Variants in R3HDM1 observed in about 807,000 individuals in gnomAD.
The protein encoded by R3HDM1 is R3H domain-containing protein 1.
R3HDM1 carries 46 observed loss-of-function variants against 141.1 expected under a neutral mutation model. That is an observed-to-expected ratio of 0.33 (90% CI 0.26 to 0.42). The LOEUF is 0.42. Among genes scored for constraint, R3HDM1 ranks in the 10% least tolerant of loss-of-function variants. The probability of loss-of-function intolerance (pLI) is 1.00; values close to 1 mark genes in which losing one functional copy is unlikely to be tolerated. For synonymous variants in R3HDM1, 435 were observed against 472.9 expected, an observed-to-expected ratio of 0.92 and a Z score of 1.04; for missense variants, 1,184 against 1,368.3, an observed-to-expected ratio of 0.87 and a Z score of 2.12.
Position 135,590,196 on chromosome 2 carries a change from G to T in R3HDM1, c.-249-12304G>T, listed in dbSNP as rs142617194. On this transcript the variant is annotated intron_variant, in intron 1 of 26. Coordinates refer to ENST00000683871, the MANE Select transcript of R3HDM1 (RefSeq NM_001378107.1). Reference sequence around the variant, plus strand: ...CTTTTCATTTTCAAATGCTTAGAAAGTTATGTAGTACCTCTACAATAGCAG... The same window carrying T: ...CTTTTCATTTTCAAATGCTTAGAAATTTATGTAGTACCTCTACAATAGCAG... 5.9e-5 allele frequency among the ~76,000 whole-genome samples: 9 copies of T among 152,230 alleles called. No homozygotes were observed. The East Asian group carries it at 1.2e-3, about 20-fold the overall frequency.
chr2:135,618,758 C>A (rs1456033808), intron 5 of R3HDM1, among the ~76,000 whole-genome samples: 2 of 152,032 alleles, frequency 1.3e-5, no homozygotes, highest in East Asian at 1.9e-4. Context: ...GTGGCTCGCG[C>A]CTGTAATCCC....
At chr2:135,582,690 A>G (rs1345530382) in intron 1 of R3HDM1, among the ~76,000 whole-genome samples, 1 of 152,162 alleles carries the variant, frequency 6.6e-6, no homozygotes, top group Non-Finnish European at 1.5e-5. Context: ...GTCTATTTTT[A>G]TATTTCAAAG....
chr2:135,537,430 T>G (rs1696435753), intron 1 of R3HDM1, among the ~76,000 whole-genome samples: 1 of 150,094 alleles, frequency 6.7e-6, no homozygotes, highest in South Asian at 2.1e-4. Context: ...GGGACTATAG[T>G]CACGAGCCAT....
intron 18 of R3HDM1, among the ~76,000 whole-genome samples, chr2:135,655,062 A>G (rs2065658329): frequency 6.6e-6 from 1 of 152,054 alleles, no homozygotes; most frequent in South Asian, 2.1e-4. Flanking sequence ...AATTTTGGTA[A>G]AGTTCACTTT....
chr2:135,701,042 A>G (rs916906145), intron 21 of R3HDM1, among the ~76,000 whole-genome samples: 8 of 152,264 alleles, frequency 5.3e-5, no homozygotes, highest in Middle Eastern at 3.4e-3. Flanking sequence ...TGATAGAACA[A>G]TGATAACAAT....
chr2:135,616,084 C>G, intron 3 of R3HDM1, 68 bp from the exon 4 acceptor site: 1 of 1,475,632 alleles, frequency 6.8e-7, no homozygotes, highest in Admixed American at 1.7e-5. Flanking sequence ...TGGTTTAGGA[C>G]TATGAATTAA....
chr2:135,551,875 AT>A (rs1411805726), intron 1 of R3HDM1, among the ~76,000 whole-genome samples: 1 of 152,226 alleles, frequency 6.6e-6, no homozygotes, highest in Non-Finnish European at 1.5e-5. Context: ...TTAACTCAGT[AT>A]TACCTTGAAG....
chr2:135,585,184 G>A (rs1026487645), intron 1 of R3HDM1, among the ~76,000 whole-genome samples: 1 of 152,170 alleles, frequency 6.6e-6, no homozygotes, highest in Non-Finnish European at 1.5e-5. Flanking sequence ...GATTTAGGAA[G>A]ATTTTGTGGA....
At chr2:135,678,098 G>A (rs2105348448) in intron 20 of R3HDM1, among the ~76,000 whole-genome samples, 1 of 152,190 alleles carries the variant, frequency 6.6e-6, no homozygotes, top group South Asian at 2.1e-4. Context: ...CCTAGTAGCT[G>A]GGATTACAGG....
chr2:135,643,526 G>A (rs574105249), intron 15 of R3HDM1, among the ~76,000 whole-genome samples: 55 of 151,692 alleles, frequency 3.6e-4, no homozygotes, highest in African/African-American at 1.3e-3. Flanking sequence ...TTTCTCACTC[G>A]TAATCATTGC....
intron 1 of R3HDM1, among the ~76,000 whole-genome samples, chr2:135,581,935 T>C (rs560159325): frequency 6.6e-6 from 1 of 152,360 alleles, no homozygotes; most frequent in East Asian, 1.9e-4. Context: ...TCAAATTATC[T>C]TGGTGAATTG....
chr2:135,667,964 C>A (rs533599787), intron 19 of R3HDM1, among the ~76,000 whole-genome samples: 1 of 152,308 alleles, frequency 6.6e-6, no homozygotes, highest in East Asian at 1.9e-4. Context: ...CAGAGGAATT[C>A]ATGAGCAACT....
chr2:135,588,217 A>C (rs1329923130), intron 1 of R3HDM1, among the ~76,000 whole-genome samples: 3 of 150,720 alleles, frequency 2.0e-5, no homozygotes, highest in East Asian at 1.9e-4. Context: ...GTCTCTGTCC[A>C]TCATTCCCTC....
At chr2:135,649,656 T>C (rs1215712740) in intron 16 of R3HDM1, among the ~76,000 whole-genome samples, 2 of 152,154 alleles carry the variant, frequency 1.3e-5, no homozygotes, top group Non-Finnish European at 2.9e-5. Flanking sequence ...TAAAGAAATA[T>C]TTTATTGCAA....
intron 4 of R3HDM1, 64 bp downstream of exon 4, chr2:135,616,257 G>T: frequency 1.4e-6 from 2 of 1,458,188 alleles, no homozygotes; most frequent in African/African-American, 1.4e-5. Context: ...ATGAATCCTT[G>T]TTTTCATATA....
At chr2:135,607,981 G>A (rs2060219682) in intron 3 of R3HDM1, 1 of 981,184 alleles carries the variant, frequency 1.0e-6, no homozygotes, top group African/African-American at 1.8e-5. Flanking sequence ...TGTTAATCTG[G>A]TGAATGCCAT....
Position 135,654,425 on chromosome 2 carries a change from C to T in R3HDM1, c.2028+2393C>T, listed in dbSNP as rs967322802. 1.2e-4 allele frequency among the ~76,000 whole-genome samples: 16 copies of T among 137,142 alleles called. No individual in the cohort carries two copies. In the Admixed American group the frequency reaches 1.3e-3, roughly 11 times the overall value. 90.0% of individuals were successfully genotyped at this position (137,142 alleles called of 152,430 possible). On this transcript the variant is annotated intron_variant, in intron 18 of 26. Coordinates refer to ENST00000683871, the MANE Select transcript of R3HDM1 (RefSeq NM_001378107.1). ...CATTAATTGAAATTTGGAATGTTTTCTTTTGTTGTTGTTGTTGTTGTTGTT... is the reference window on the plus strand; with the variant it reads ...CATTAATTGAAATTTGGAATGTTTTTTTTTGTTGTTGTTGTTGTTGTTGTT...
intron 1 of R3HDM1, among the ~76,000 whole-genome samples, chr2:135,570,002 A>G (rs570924527): frequency 8.1e-4 from 123 of 152,302 alleles, no homozygotes; most frequent in African/African-American, 2.7e-3. Flanking sequence ...CTGGGATTAC[A>G]GGCGTGAGCC....
chr2:135,686,306 A>T (rs1262222180), intron 21 of R3HDM1, among the ~76,000 whole-genome samples: 1 of 152,260 alleles, frequency 6.6e-6, no homozygotes, highest in African/African-American at 2.4e-5. Context: ...TTGATCCAGC[A>T]ATTCCAAATA....
Sources: allele counts gnomAD v4.1 joint callset (sites outside exome capture counted in the v4.1 genomes callset), GRCh38; gene constraint gnomAD v4.1.1; transcripts MANE v1.5; gene names NCBI Gene and HGNC (gene_info 2026-07-23, HGNC 2026-07-21).